PDE2A: variants seen among roughly 807,000 people sequenced by gnomAD.
The protein encoded by PDE2A is phosphodiesterase 2A.
A neutral mutation model predicts 133.6 loss-of-function variants in PDE2A; 53 were observed. The ratio of observed to expected loss-of-function variants is 0.40; its 90% CI spans 0.32 to 0.50. PDE2A has a LOEUF of 0.50. PDE2A is among the 20% of genes least tolerant of loss of function. PDE2A has a pLI of 0.73. For missense variants in PDE2A, 796 were observed against 1,232.4 expected (o/e 0.65, Z 5.30); for synonymous variants, 491 against 490.2 (o/e 1.00, Z -0.02).
intron 1 of PDE2A, among the ~76,000 whole-genome samples, chr11:72,654,212 G>T (rs1317670483): frequency 6.6e-6 from 1 of 152,200 alleles, no homozygotes; most frequent in Non-Finnish European, 1.5e-5. Flanking sequence ...CCCACCCAGC[G>T]CTGGGACCAG....
chr11:72,581,727 G>A, intron 22 of PDE2A, 150 bp downstream of exon 22: 1 of 844,072 alleles, frequency 1.2e-6, no homozygotes. Flanking sequence ...TCTAGGAATT[G>A]CTTCTCATTC....
At chr11:72,671,399 G>A (rs113704547) in intron 1 of PDE2A, among the ~76,000 whole-genome samples, 2 of 152,180 alleles carry the variant, frequency 1.3e-5, no homozygotes, top group South Asian at 2.1e-4. Context: ...CCCGGGGAGC[G>A]CAGGCCTGGC....
rs117042904 is a variant in PDE2A, at chr11:72,582,189, G to A, written c.1852-242C>T. ...TTAGAAAAACAGGGTTGGGAGGGATGCAAACCCTGAGGTCACATGCCCTGG... is the reference window on the plus strand; with the variant it reads ...TTAGAAAAACAGGGTTGGGAGGGATACAAACCCTGAGGTCACATGCCCTGG... On this transcript the variant is annotated intron_variant, in intron 21 of 30. Coordinates refer to ENST00000334456, the MANE Select transcript of PDE2A (RefSeq NM_002599.5). 290 of 607,236 alleles carry A rather than the reference G, an allele frequency of 4.8e-4. 2 individuals are homozygous for A. The East Asian group carries it at 7.8e-3, about 16-fold the overall frequency. 37.6% of individuals were successfully genotyped at this position (607,236 alleles called of 1,614,324 possible). A position where few individuals can be genotyped will look rare whatever the true frequency, so the allele number is the denominator to read the frequency against.
chr11:72,612,970 G>A (rs1251839100), intron 2 of PDE2A, among the ~76,000 whole-genome samples: 1 of 152,202 alleles, frequency 6.6e-6, no homozygotes. Context: ...AGAGGAGAGG[G>A]TCTGGACTAA....
chr11:72,596,601 C>T lies in PDE2A; in HGVS notation c.481G>A (p.Val161Ile), dbSNP rs1356039217. The T allele has an allele frequency of 6.7e-7, 1 of 1,497,558 alleles. No individual in the cohort carries two copies. Among genetic ancestry groups the T allele is most frequent in the Non-Finnish European group, 9.0e-7 (1 of 1,114,804 alleles). The allele number at this position is 1,497,558 out of a possible 1,614,324, so 92.8% of individuals were successfully genotyped here. Residue 161 changes from valine to isoleucine, a missense_variant, in exon 6 of 31, where the codon GTC becomes ATC. Physicochemically the swap from Val to Ile is conservative, Grantham distance 29 (BLOSUM62 3). Around this residue, in one of 7 missense-constraint regions of PDE2A, gnomAD observed 417 missense variants for 475.3 expected, o/e 0.88. Transcript: ENST00000334456. ...CCTAGGCAGGCTCTTACCAAGATGA[C>T]AGCTGCCACGGCCCCAGCCTCCTTG... is the stretch of plus-strand genomic sequence containing the variant. ...ADKEAGAVAA[V>I]ILVHCGQLSD...
At chr11:72,656,337 C>T (rs1190842979) in intron 1 of PDE2A, among the ~76,000 whole-genome samples, 3 of 152,164 alleles carry the variant, frequency 2.0e-5, no homozygotes, top group Non-Finnish European at 4.4e-5. Flanking sequence ...AATATCAGGC[C>T]CCAGGGCCAG....
intron 2 of PDE2A, among the ~76,000 whole-genome samples, chr11:72,624,141 G>A (rs1449403376): frequency 6.6e-6 from 1 of 152,026 alleles, no homozygotes; most frequent in Admixed American, 6.6e-5. Context: ...ACAGGCGCCT[G>A]TCACCATGCC....
Position 72,597,034 on chromosome 11 carries a change from C to T in PDE2A, c.434-386G>A, listed in dbSNP as rs576874966. Among the ~76,000 whole-genome samples, 1 of 152,172 alleles carries T rather than the reference C, an allele frequency of 6.6e-6. No homozygotes were observed. Among genetic ancestry groups the T allele is most frequent in the African/African-American group, 2.4e-5 (1 of 41,520 alleles). ...TCCCAGTCTTGTGCACTTTCCACAT[C>T]GAGACAGAGGACAGAGACCTAGAGA... is the stretch of plus-strand genomic sequence containing the variant. On this transcript the variant is annotated intron_variant, in intron 5 of 30. Transcript: ENST00000334456. This position sits in a 1 kb window ranked among gnomAD's most constrained non-coding sequence, Gnocchi z 4.6.
chr11:72,636,845 G>T (rs1858720329), intron 2 of PDE2A, among the ~76,000 whole-genome samples: 1 of 152,168 alleles, frequency 6.6e-6, no homozygotes, highest in South Asian at 2.1e-4. Context: ...TGAACATGCA[G>T]ATCTGATCTG....
chr11:72,578,989 T>C lies in PDE2A; in HGVS notation c.2377A>G (p.Lys793Glu). 1.2e-6 allele frequency: 2 copies of C among 1,613,506 alleles called. No homozygotes were observed. The highest frequency in any genetic ancestry group is 1.7e-6 in the Non-Finnish European group (2 of 1,179,488). ...CAGAGGAGAAGTCTGTGGTGCTGCT[T>C]GTTGTTTCGGTCGTAGCCCACTGTT... ...MAEVGYDRNN[K>E]QHHRLLLCLL... Residue 793 changes from lysine (K) to glutamate (E), a missense_variant, in exon 28 of 31, where the codon AAG (lysine) becomes GAG (glutamate). Physicochemically the swap from Lys to Glu is moderately conservative, Grantham distance 56 (BLOSUM62 1). Coordinates refer to ENST00000334456, the MANE Select transcript of PDE2A (RefSeq NM_002599.5). This position sits in a 1 kb window ranked among gnomAD's most constrained non-coding sequence, Gnocchi z 4.2.
At chr11:72,645,952 A>C (rs1268580784) in intron 1 of PDE2A, among the ~76,000 whole-genome samples, 1 of 152,088 alleles carries the variant, frequency 6.6e-6, no homozygotes, top group African/African-American at 2.4e-5. Context: ...AGGCCATCTC[A>C]CTCCAGTCTG....
intron 2 of PDE2A, among the ~76,000 whole-genome samples, chr11:72,632,714 C>T (rs1591105664): frequency 6.6e-6 from 1 of 152,118 alleles, no homozygotes; most frequent in African/African-American, 2.4e-5. Flanking sequence ...CAGCCAGGGA[C>T]AGCCCCCTCC....
intron 2 of PDE2A, among the ~76,000 whole-genome samples, chr11:72,616,772 G>A (rs1240046036): frequency 2.0e-5 from 3 of 152,190 alleles, no homozygotes; most frequent in Non-Finnish European, 4.4e-5. Flanking sequence ...CCGGGTGGGG[G>A]CAGCAGGTCA....
At chr11:72,598,532 C>T (rs1856590499) in intron 4 of PDE2A, 1 of 1,289,208 alleles carries the variant, frequency 7.8e-7, no homozygotes, top group South Asian at 1.2e-5. Context: ...AAATGTCACT[C>T]CTTGATGATT....
chr11:72,591,825 C>G (rs377065808), intron 6 of PDE2A, among the ~76,000 whole-genome samples: 1 of 152,142 alleles, frequency 6.6e-6, no homozygotes, highest in African/African-American at 2.4e-5. Context: ...TGAGGATGGA[C>G]GGGTGAATGA....
intron 2 of PDE2A, chr11:72,635,946 C>A (rs770412076): frequency 5.1e-6 from 6 of 1,181,054 alleles, no homozygotes; most frequent in Non-Finnish European, 6.6e-6. Context: ...CTTCCCGCTC[C>A]CCCTCCACAC....
At chr11:72,613,961 C>T (rs1246989548) in intron 2 of PDE2A, among the ~76,000 whole-genome samples, 1 of 152,236 alleles carries the variant, frequency 6.6e-6, no homozygotes, top group Non-Finnish European at 1.5e-5. Flanking sequence ...CACAGCCGCC[C>T]AGTCAGGGTG....
At chr11:72,583,626 T>C (rs1855820919) in intron 19 of PDE2A, 111 bp from the exon 20 acceptor site, 1 of 753,666 alleles carries the variant, frequency 1.3e-6, no homozygotes, top group East Asian at 2.5e-5. Flanking sequence ...TGTCCCATTC[T>C]GGCCCCAGTC....
At chr11:72,577,958 T>C (rs1855541259) in intron 30 of PDE2A, among the ~76,000 whole-genome samples, 1 of 151,596 alleles carries the variant, frequency 6.6e-6, no homozygotes, top group Non-Finnish European at 1.5e-5. Context: ...GGCAACAGAG[T>C]GAGACTCCAT....
Sources: gnomAD v4.1 joint callset for allele counts (sites outside exome capture counted in the v4.1 genomes callset) on GRCh38, gnomAD v4.1.1 for gene constraint, gnomAD v4.1.1 regional missense constraint, Gnocchi (gnomAD v3.1) non-coding constraint, MANE v1.5 for transcripts, NCBI Gene and HGNC (gene_info 2026-07-23, HGNC 2026-07-21) for gene names.